Variants in CTNNA2 observed in about 807,000 individuals in gnomAD.
CTNNA2 encodes the protein catenin alpha 2.
In CTNNA2, 42 loss-of-function variants were observed where a neutral mutation model predicts 101.0. The ratio of observed to expected loss-of-function variants is 0.42; its 90% CI spans 0.32 to 0.54. CTNNA2 has a LOEUF of 0.54. CTNNA2 is among the 20% of genes least tolerant of loss of function. The probability of loss-of-function intolerance (pLI) is 0.14; values close to 1 mark genes in which losing one functional copy is unlikely to be tolerated. For missense variants in CTNNA2, 871 were observed against 1,223.1 expected, an observed-to-expected ratio of 0.71 and a Z score of 4.29; for synonymous variants, 450 against 456.4, an observed-to-expected ratio of 0.99 and a Z score of 0.18.
At chr2:79,408,638 C>A (rs1678368109) in intron 4 of CTNNA2, among the ~76,000 whole-genome samples, 1 of 151,858 alleles carries the variant, frequency 6.6e-6, no homozygotes, top group Non-Finnish European at 1.5e-5. Context: ...ATGAACTCAT[C>A]ATTTTTATGC....
At chr2:80,096,262 C>T (rs932389643) in intron 7 of CTNNA2, among the ~76,000 whole-genome samples, 1 of 152,204 alleles carries the variant, frequency 6.6e-6, no homozygotes, top group Non-Finnish European at 1.5e-5. Flanking sequence ...TTGTTACATA[C>T]TCAGTAGTCG....
chr2:80,357,241 T>TG (rs55682208), intron 7 of CTNNA2, among the ~76,000 whole-genome samples: 29 of 89,370 alleles, frequency 3.2e-4, no homozygotes, highest in African/African-American at 9.3e-4. Flanking sequence ...TTTTTTTTTG[T>TG]TTTTTTTTTG....
intron 9 of CTNNA2, among the ~76,000 whole-genome samples, chr2:80,461,681 T>TA (rs937489476): frequency 2.1e-4 from 31 of 146,468 alleles, no homozygotes; most frequent in African/African-American, 3.7e-4. Context: ...ATCCGAAACT[T>TA]AAAAAAAAAA....
At chr2:80,428,782 C>A (rs1353593291) in intron 9 of CTNNA2, among the ~76,000 whole-genome samples, 2 of 152,106 alleles carry the variant, frequency 1.3e-5, no homozygotes, top group Admixed American at 1.3e-4. Context: ...TGATGATGAT[C>A]ATGCCACTGC....
intron 7 of CTNNA2, among the ~76,000 whole-genome samples, chr2:80,283,964 G>A (rs1373678027): frequency 6.6e-6 from 1 of 152,166 alleles, no homozygotes; most frequent in African/African-American, 2.4e-5. Flanking sequence ...ATCATGCCAA[G>A]TATTTGACTT....
At chr2:79,193,135 T>G (rs1039950518) in intron 1 of CTNNA2, among the ~76,000 whole-genome samples, 1 of 152,200 alleles carries the variant, frequency 6.6e-6, no homozygotes, top group Non-Finnish European at 1.5e-5. Flanking sequence ...GGTATTTTCC[T>G]TTTAGCATAA....
At chr2:80,333,819 C>T (rs893325818) in intron 7 of CTNNA2, among the ~76,000 whole-genome samples, 3 of 152,296 alleles carry the variant, frequency 2.0e-5, no homozygotes, top group South Asian at 2.1e-4. Context: ...AGACGGGTTT[C>T]GCCATGTTGG....
At chr2:80,272,089 A>T (rs1395448203) in intron 7 of CTNNA2, among the ~76,000 whole-genome samples, 2 of 152,238 alleles carry the variant, frequency 1.3e-5, no homozygotes, top group African/African-American at 4.8e-5. Flanking sequence ...TGGCTGTATA[A>T]TTACTTATGA....
intron 14 of CTNNA2, among the ~76,000 whole-genome samples, chr2:80,582,392 T>C (rs1424801941): frequency 3.3e-5 from 5 of 152,190 alleles, no homozygotes; most frequent in Non-Finnish European, 7.3e-5. Flanking sequence ...CCTAGATCTG[T>C]CTGCCATATG....
chr2:79,927,920 C>T (rs1352585639), intron 7 of CTNNA2, among the ~76,000 whole-genome samples: 2 of 151,988 alleles, frequency 1.3e-5, no homozygotes, highest in Non-Finnish European at 2.9e-5. Flanking sequence ...CCAGTATCTG[C>T]CTCTTTGGTG....
At chr2:80,040,562 C>A (rs942721683) in intron 7 of CTNNA2, among the ~76,000 whole-genome samples, 2 of 152,128 alleles carry the variant, frequency 1.3e-5, no homozygotes, top group Non-Finnish European at 2.9e-5. Context: ...CAGTTATTTA[C>A]ATTGTTGGGC....
intron 7 of CTNNA2, among the ~76,000 whole-genome samples, chr2:80,349,204 C>G (rs1178766468): frequency 6.6e-6 from 1 of 152,112 alleles, no homozygotes; most frequent in Non-Finnish European, 1.5e-5. Flanking sequence ...CAGAGTCTTT[C>G]ATCTGGTTGT....
At chr2:79,352,975 A>G (rs902688786) in intron 3 of CTNNA2, among the ~76,000 whole-genome samples, 1 of 152,172 alleles carries the variant, frequency 6.6e-6, no homozygotes, top group Non-Finnish European at 1.5e-5. Flanking sequence ...AAGGTGGCAC[A>G]CACTTTTTAA....
intron 7 of CTNNA2, among the ~76,000 whole-genome samples, chr2:80,130,722 T>C (rs1001364475): frequency 6.6e-6 from 1 of 152,082 alleles, no homozygotes; most frequent in Non-Finnish European, 1.5e-5. Context: ...CAAATCTGCT[T>C]TGAAGACTGT....
At chr2:79,818,473 C>T (rs551630807) in intron 3 of CTNNA2, among the ~76,000 whole-genome samples, 9 of 151,568 alleles carry the variant, frequency 5.9e-5, no homozygotes, top group South Asian at 2.1e-4. Context: ...CCACCATGCC[C>T]GGCTTATTTT....
intron 7 of CTNNA2, among the ~76,000 whole-genome samples, chr2:80,138,893 T>C (rs558737551): frequency 6.6e-6 from 1 of 152,154 alleles, no homozygotes; most frequent in South Asian, 2.1e-4. Context: ...ATGTGTCCAC[T>C]TTTTTTGTGC....
chr2:80,177,643 C>G (rs1294353764), intron 7 of CTNNA2, among the ~76,000 whole-genome samples: 4 of 152,160 alleles, frequency 2.6e-5, no homozygotes, highest in Non-Finnish European at 5.9e-5. Context: ...ACAAGTCATC[C>G]TTTCCACTTG....
At chr2:79,739,401 A>G (rs983576913) in intron 2 of CTNNA2, among the ~76,000 whole-genome samples, 2 of 152,050 alleles carry the variant, frequency 1.3e-5, no homozygotes, top group African/African-American at 4.8e-5. Flanking sequence ...TTTGCCTTTT[A>G]TTTCTGGATT....
intron 1 of CTNNA2, among the ~76,000 whole-genome samples, chr2:79,616,217 T>C (rs999449898): frequency 6.6e-6 from 1 of 152,188 alleles, no homozygotes; most frequent in African/African-American, 2.4e-5. Flanking sequence ...CTTGTAAGTG[T>C]ATCTTTGGCA....
Sources: gnomAD v4.1 joint callset for allele counts (sites outside exome capture counted in the v4.1 genomes callset) on GRCh38, gnomAD v4.1.1 for gene constraint, MANE v1.5 for transcripts, NCBI Gene and HGNC (gene_info 2026-07-23, HGNC 2026-07-21) for gene names.